The following DMBX1 variants were observed in gnomAD, a reference collection of about 807,000 sequenced individuals.
The protein encoded by DMBX1 is diencephalon/mesencephalon homeobox 1.
In DMBX1, 7 loss-of-function variants were observed where a neutral mutation model predicts 30.4. That is an observed-to-expected ratio of 0.23 (90% CI 0.13 to 0.43). The LOEUF is 0.43. DMBX1 is among the 20% of genes least tolerant of loss of function. The pLI, the probability that DMBX1 is intolerant of heterozygous loss-of-function variation, is 1.00. For missense variants in DMBX1, 460 were observed against 508.5 expected, an observed-to-expected ratio of 0.90 and a Z score of 0.92; for synonymous variants, 222 against 214.2, an observed-to-expected ratio of 1.04 and a Z score of -0.32.
At chr1:46,500,325 T>C (rs757844608) in intron 2 of DMBX1, among the ~76,000 whole-genome samples, 1 of 151,058 alleles carries the variant, frequency 6.6e-6, no homozygotes, top group Non-Finnish European at 1.5e-5. Context: ...TCAGCGATAA[T>C]TAAGTCAATT....
chr1:46,502,322 C>G (rs1666151808), intron 2 of DMBX1, among the ~76,000 whole-genome samples: 1 of 151,600 alleles, frequency 6.6e-6, no homozygotes, highest in Non-Finnish European at 1.5e-5. Flanking sequence ...AAAGACCCAT[C>G]TTCACTCAGC....
At chr1:46,506,470 A>C (rs1455991606) in intron 2 of DMBX1, among the ~76,000 whole-genome samples, 2 of 152,252 alleles carry the variant, frequency 1.3e-5, no homozygotes, top group East Asian at 1.9e-4. Flanking sequence ...GTGTGAGTGA[A>C]TCAATGAAGG....
At position 46,515,819 on chromosome 1, in the gene DMBX1, G is replaced by A. The variant is rs899760375; in HGVS notation, c.*3325G>A. Among the ~76,000 whole-genome samples the A allele has an allele frequency of 3.3e-5, 5 of 152,200 alleles. No homozygotes were observed. The highest frequency in any genetic ancestry group is 6.5e-5 in the Admixed American group (1 of 15,278). The stretch of plus-strand genomic sequence containing the variant: ...AAAGCCAGAGGCTCAAGCTCTGACT[G>A]TCCCTTCCAGGAATGCCTCATGCCT... On this transcript the variant is annotated 3_prime_UTR_variant, in exon 6 of 6. Coordinates refer to ENST00000360032, the MANE Select transcript of DMBX1 (RefSeq NM_172225.2).
At chr1:46,509,456 C>T (rs922050348) in intron 3 of DMBX1, among the ~76,000 whole-genome samples, 2 of 152,134 alleles carry the variant, frequency 1.3e-5, no homozygotes, top group African/African-American at 4.8e-5. Context: ...GCTGAGATGA[C>T]TCAAGTTCCC....
intron 3 of DMBX1, among the ~76,000 whole-genome samples, chr1:46,507,613 C>G (rs879864272): frequency 5.9e-5 from 9 of 152,204 alleles, no homozygotes; most frequent in African/African-American, 9.6e-5. Flanking sequence ...GTGGGAGTCT[C>G]TCTCTTTCTG....
In DMBX1 at chr1:46,512,399, G is replaced by T. The variant is rs1334890719; in HGVS notation, c.1039G>T (p.Ala347Ser). Residue 347 changes from alanine (A) to serine (S), a missense_variant, in exon 6 of 6, where the codon GCT (alanine) becomes TCT (serine). Physicochemically the swap from Ala to Ser is moderately conservative, Grantham distance 99. Coordinates refer to ENST00000360032, the MANE Select transcript of DMBX1 (RefSeq NM_172225.2). The surrounding 1 kb of genome is among the most constrained non-coding windows in gnomAD (Gnocchi z 4.8). ...CCCAGCAGGCCTGGCTCCTGCATCA[G>T]CTACCCTGAACAGTAAAACCACAAG... ...APPAGLAPAS[A>S]TLNSKTTSIE... 1.9e-6 allele frequency: 3 copies of T among 1,614,034 alleles called. No individual in the cohort carries two copies. The South Asian group carries it at 3.3e-5, about 18-fold the overall frequency.
At position 46,511,207 on chromosome 1, in the gene DMBX1, T is replaced by C; in HGVS notation, c.606T>C (p.Ala202=). The C allele has an allele frequency of 4.3e-6, 7 of 1,613,234 alleles. No homozygotes were observed. The highest frequency in any genetic ancestry group is 5.9e-6 in the Non-Finnish European group (7 of 1,179,892). Residue 202 remains alanine, a synonymous_variant, in exon 5 of 6, where the codon GCT becomes GCC. Coordinates refer to ENST00000360032, the MANE Select transcript of DMBX1 (RefSeq NM_172225.2). ...PDREEDPRAG[A]EDPKAEKSPG... ...GTGAGGAGGACCCCAGGGCAGGGGC[T>C]GAGGACCCCAAAGCTGAGAAGAGCC...
At chr1:46,504,953 AC>A (rs1666203678) in intron 2 of DMBX1, among the ~76,000 whole-genome samples, 1 of 152,194 alleles carries the variant, frequency 6.6e-6, no homozygotes, top group African/African-American at 2.4e-5. Flanking sequence ...TTGAACAGAC[AC>A]TTCTCAAAAG....
Position 46,507,100 on chromosome 1 carries a change from G to GGCCCAGCAT in DMBX1, c.95_103dup (p.Gln32_Ala34dup). 6.2e-7 allele frequency: 1 copy of GGCCCAGCAT among 1,614,238 alleles called. No homozygotes were observed. Among genetic ancestry groups the GGCCCAGCAT allele is most frequent in the Non-Finnish European group, 8.5e-7 (1 of 1,180,048 alleles). ...ACCTGCACCAGCAGGCAGCCCAGCA[G>GGCCCAGCAT]GCCCAGCATGCCCCCGACTACCGGC... is the stretch of plus-strand genomic sequence containing the variant. On this transcript the variant is annotated inframe_insertion, in exon 3 of 6. Coordinates refer to ENST00000360032, the MANE Select transcript of DMBX1 (RefSeq NM_172225.2).
chr1:46,512,622 G>T lies in DMBX1; in HGVS notation c.*128G>T. On this transcript the variant is annotated 3_prime_UTR_variant, in exon 6 of 6. Transcript: ENST00000360032. The surrounding 1 kb of genome is among the most constrained non-coding windows in gnomAD (Gnocchi z 4.8). Reference sequence around the variant, plus strand: ...CCTAGGGCCTGGGGTCCTGTTCCCTGCTCCGCTTCCCCATACCCCAGCCCG... The same window carrying T: ...CCTAGGGCCTGGGGTCCTGTTCCCTTCTCCGCTTCCCCATACCCCAGCCCG... The T allele has an allele frequency of 9.4e-7, 1 of 1,058,800 alleles. No homozygotes were observed. The highest frequency in any genetic ancestry group is 1.6e-5 in the South Asian group (1 of 60,884). 65.6% of individuals were successfully genotyped at this position (1,058,800 alleles called of 1,614,324 possible). A position where few individuals can be genotyped will look rare whatever the true frequency, so the allele number is the denominator to read the frequency against.
At chr1:46,492,855 A>G (rs976887950) in intron 2 of DMBX1, among the ~76,000 whole-genome samples, 15 of 152,178 alleles carry the variant, frequency 9.9e-5, no homozygotes, top group South Asian at 2.1e-4. Context: ...AAACTCACGC[A>G]GACACTCATG....
chr1:46,509,236 C>A lies in DMBX1; in HGVS notation c.155-1240C>A, dbSNP rs556743907. ...TACAGGGGCCCACCACCACGCTCAG[C>A]TAATTTTTTGTATTTTTAGTAGTGA... is the stretch of plus-strand genomic sequence containing the variant. On this transcript the variant is annotated intron_variant, in intron 3 of 5. Coordinates refer to ENST00000360032, the MANE Select transcript of DMBX1 (RefSeq NM_172225.2). 1.8e-3 allele frequency among the ~76,000 whole-genome samples: 273 copies of A among 152,218 alleles called. 2 individuals are homozygous for A. The highest frequency in any genetic ancestry group is 6.1e-3 in the African/African-American group (255 of 41,528).
intron 2 of DMBX1, among the ~76,000 whole-genome samples, chr1:46,501,235 T>TC (rs1384957928): frequency 1.0e-4 from 13 of 127,542 alleles, no homozygotes; most frequent in Non-Finnish European, 1.6e-4. Flanking sequence ...TCTTTCTTTC[T>TC]TTCTTTCTTT....
rs1200784720 is a variant in DMBX1 at position 46,491,689 on chromosome 1, CT to C, written c.-13+909del. The stretch of plus-strand genomic sequence containing the variant: ...CAGGCGGGTCAGCTCTGTCCAACCC[CT>C]TTCTAGAAAGTTCTATGGTCTGTTA... On this transcript the variant is annotated intron_variant, in intron 2 of 5. Coordinates refer to ENST00000360032, the MANE Select transcript of DMBX1 (RefSeq NM_172225.2). This position sits in a 1 kb window ranked among gnomAD's most constrained non-coding sequence, Gnocchi z 5.5. Among the ~76,000 whole-genome samples the C allele has an allele frequency of 6.6e-6, 1 of 152,122 alleles. No individual in the cohort carries two copies. The highest frequency in any genetic ancestry group is 2.4e-5 in the African/African-American group (1 of 41,424).
chr1:46,509,031 G>A (rs1376842412), intron 3 of DMBX1, among the ~76,000 whole-genome samples: 1 of 152,014 alleles, frequency 6.6e-6, no homozygotes, highest in Non-Finnish European at 1.5e-5. Context: ...GTATCTCAAA[G>A]TCTGGGGCTT....
In DMBX1 at chr1:46,511,697, G is replaced by A. The variant is rs144563797; in HGVS notation, c.683-346G>A. ...GGCATATCTCAGATACAAACCCTAA[G>A]CCCAGCAGGGAGGGGACAGGGGCTG... is the stretch of plus-strand genomic sequence containing the variant. On this transcript the variant is annotated intron_variant, in intron 5 of 5. Transcript: ENST00000360032. Among the ~76,000 whole-genome samples the A allele has an allele frequency of 5.9e-4, 90 of 152,120 alleles. 1 individual carries two copies. The highest frequency in any genetic ancestry group is 1.9e-3 in the African/African-American group (79 of 41,506).
At chr1:46,505,007 C>T (rs978557309) in intron 2 of DMBX1, among the ~76,000 whole-genome samples, 5 of 151,460 alleles carry the variant, frequency 3.3e-5, no homozygotes, top group African/African-American at 1.2e-4. Context: ...AAATGCTCGT[C>T]ATCACTGGCC....
intron 2 of DMBX1, among the ~76,000 whole-genome samples, chr1:46,495,634 G>T (rs1666012829): frequency 6.6e-6 from 1 of 152,244 alleles, no homozygotes; most frequent in Admixed American, 6.5e-5. Context: ...GGAATTTAAA[G>T]AAGTCACCGG....
At chr1:46,505,448 T>C in intron 2 of DMBX1, among the ~76,000 whole-genome samples, 1 of 138,102 alleles carries the variant, frequency 7.2e-6, no homozygotes, top group African/African-American at 2.8e-5. Flanking sequence ...ATGTCCTTTG[T>C]AGGGACATGG....
Sources: allele counts gnomAD v4.1 joint callset (sites outside exome capture counted in the v4.1 genomes callset), GRCh38; gene constraint gnomAD v4.1.1; non-coding constraint Gnocchi (gnomAD v3.1); transcripts MANE v1.5; gene names NCBI Gene and HGNC (gene_info 2026-07-23, HGNC 2026-07-21).